DYNC1H1: variants seen among roughly 807,000 people sequenced by gnomAD.
DYNC1H1 encodes the protein cytoplasmic dynein 1 heavy chain 1.
DYNC1H1 carries 51 observed loss-of-function variants against 527.1 expected under a neutral mutation model. That is an observed-to-expected ratio of 0.10 (90% CI 0.08 to 0.12). The LOEUF (loss-of-function observed/expected upper bound fraction) is 0.12. Ranked by LOEUF, DYNC1H1 falls within the 10% of genes least tolerant of loss-of-function variation. DYNC1H1 has a pLI of 1.00. For synonymous variants in DYNC1H1, 2,189 were observed against 2,278.8 expected (o/e 0.96, Z 1.12); for missense variants, 2,771 against 5,971.8 (o/e 0.46, Z 17.66).
In DYNC1H1 at chr14:102,016,213, G is replaced by A; in HGVS notation, c.7473+127G>A. On this transcript the variant is annotated intron_variant, in intron 36 of 77. Transcript: ENST00000360184. This position sits in a 1 kb window ranked among gnomAD's most constrained non-coding sequence, Gnocchi z 7.3. ...AGGCGAGGCAGAGCCTTCGTTGAGGGGCTAGGAAAGGTGCAGTGGGTGTCT... is the reference window on the plus strand; with the variant it reads ...AGGCGAGGCAGAGCCTTCGTTGAGGAGCTAGGAAAGGTGCAGTGGGTGTCT... 3 of 1,501,238 alleles carry A rather than the reference G, an allele frequency of 2.0e-6. No homozygotes were observed. The highest frequency in any genetic ancestry group is 2.7e-6 in the Non-Finnish European group (3 of 1,101,774). 93.0% of individuals were successfully genotyped at this position (1,501,238 alleles called of 1,614,324 possible).
Position 102,016,692 on chromosome 14 carries a change from G to A in DYNC1H1, c.7615-74G>A, listed in dbSNP as rs2048326941. The A allele has an allele frequency of 6.4e-7, 1 of 1,562,984 alleles. No individual in the cohort carries two copies. Among genetic ancestry groups the A allele is most frequent in the East Asian group, 2.3e-5 (1 of 42,876 alleles). The stretch of plus-strand genomic sequence containing the variant: ...TTCCTTGTTCTGAAAGTTCAAGTTT[G>A]TGTTCAGGTAAACAAACCTCGTGAG... On this transcript the variant is annotated intron_variant, in intron 37 of 77. Coordinates refer to ENST00000360184, the MANE Select transcript of DYNC1H1 (RefSeq NM_001376.5). This position sits in a 1 kb window ranked among gnomAD's most constrained non-coding sequence, Gnocchi z 7.3.
intron 1 of DYNC1H1, among the ~76,000 whole-genome samples, chr14:101,972,851 G>A (rs561797961): frequency 6.6e-6 from 1 of 152,118 alleles, no homozygotes; most frequent in Non-Finnish European, 1.5e-5. Context: ...TATATAAATG[G>A]TAGAACAATA....
chr14:102,027,406 A>G lies in DYNC1H1; in HGVS notation c.8910A>G (p.Glu2970=), dbSNP rs2048462949. ...QIKVHRKYTG[E]DFDEDLRTVL... ...AGGTCCATAGGAAGTACACAGGGGAAGACTTTGATGAAGATCTACGGACAG... is the reference window on the plus strand; with the variant it reads ...AGGTCCATAGGAAGTACACAGGGGAGGACTTTGATGAAGATCTACGGACAG... The change falls in exon 46 of 78, where the codon GAA becomes GAG. Residue 2970 remains glutamate, a synonymous_variant. Coordinates refer to ENST00000360184, the MANE Select transcript of DYNC1H1 (RefSeq NM_001376.5). This position sits in a 1 kb window ranked among gnomAD's most constrained non-coding sequence, Gnocchi z 7.7. 2 of 1,614,040 alleles carry G rather than the reference A, an allele frequency of 1.2e-6. No individual in the cohort carries two copies. The highest frequency in any genetic ancestry group is 1.7e-6 in the Non-Finnish European group (2 of 1,180,036).
intron 51 of DYNC1H1, among the ~76,000 whole-genome samples, chr14:102,031,151 C>T (rs565810649): frequency 4.1e-4 from 62 of 152,300 alleles, no homozygotes; most frequent in African/African-American, 1.4e-3. Flanking sequence ...GTAGTTCTCA[C>T]CTTCTAAATA....
rs747954672 is a variant in DYNC1H1, at chr14:102,034,229, G to T, written c.10626+41G>T. ...AGTTCAAAAAGGATGTGCGAGCAGT[G>T]TGAGGCAAGCTGGTGTTTAGTGCAC... On this transcript the variant is annotated intron_variant, in intron 55 of 77. Transcript: ENST00000360184. 5.6e-6 allele frequency: 9 copies of T among 1,614,248 alleles called. No homozygotes were observed. The South Asian group carries it at 6.6e-5, about 12-fold the overall frequency.
chr14:101,997,284 G>T lies in DYNC1H1; in HGVS notation c.3804+10G>T, dbSNP rs868676505. On this transcript the variant is annotated intron_variant, in intron 16 of 77. Transcript: ENST00000360184. The surrounding 1 kb of genome is among the most constrained non-coding windows in gnomAD (Gnocchi z 4.8). ...GACCAAGCCTGTCACGGTGAGTCCC[G>T]CCAGGTGGGGACGCAGGAGACTCCT... is the stretch of plus-strand genomic sequence containing the variant. 1.2e-6 allele frequency: 2 copies of T among 1,613,902 alleles called. No homozygotes were observed. The highest frequency in any genetic ancestry group is 1.6e-4 in the Middle Eastern group (1 of 6,076).
At position 101,965,656 on chromosome 14, in the gene DYNC1H1, GATT is replaced by G. The variant is rs2047658908; in HGVS notation, c.256+710_256+712del. On this transcript the variant is annotated intron_variant, in intron 1 of 77. Coordinates refer to ENST00000360184, the MANE Select transcript of DYNC1H1 (RefSeq NM_001376.5). The surrounding 1 kb of genome is among the most constrained non-coding windows in gnomAD (Gnocchi z 4.1). ...GAGGAAACTGAGGCTCAGGTTAAGTGATTTCACCCAAGGTCACCAGCTAATCTT... is the reference window on the plus strand; with the variant it reads ...GAGGAAACTGAGGCTCAGGTTAAGTGTCACCCAAGGTCACCAGCTAATCTT... Among the ~76,000 whole-genome samples, 9 of 152,066 alleles carry G rather than the reference GATT, an allele frequency of 5.9e-5. No homozygotes were observed. The highest frequency in any genetic ancestry group is 3.3e-4 in the Admixed American group (5 of 15,274).
At position 102,040,582 on chromosome 14, in the gene DYNC1H1, A is replaced by C. The variant is rs1244891569; in HGVS notation, c.11866-16A>C. ...CCAGCCCTGCTCCATGGGTGCTTCCACTATTGTCTCCACAGCAATTTGGCA... is the reference window on the plus strand; with the variant it reads ...CCAGCCCTGCTCCATGGGTGCTTCCCCTATTGTCTCCACAGCAATTTGGCA... On this transcript the variant is annotated splice_polypyrimidine_tract_variant and intron_variant, in intron 63 of 77. Transcript: ENST00000360184. 6.2e-7 allele frequency: 1 copy of C among 1,614,014 alleles called. No individual in the cohort carries two copies. Among genetic ancestry groups the C allele is most frequent in the East Asian group, 2.2e-5 (1 of 44,902 alleles).
At position 102,009,928 on chromosome 14, in the gene DYNC1H1, C is replaced by T. The variant is rs567653098; in HGVS notation, c.6063C>T (p.Gly2021=). 2 of 1,614,120 alleles carry T rather than the reference C, an allele frequency of 1.2e-6. No homozygotes were observed. Among genetic ancestry groups the T allele is most frequent in the Middle Eastern group, 1.6e-4 (1 of 6,062 alleles). The part of the protein sequence containing the change: ...DMAIFITMNP[G]YAGRSNLPDN... ...CCATCTTCATCACCATGAACCCTGG[C>T]TACGCGGGCCGGTCTAACCTTCCTG... is the stretch of plus-strand genomic sequence containing the variant. Residue 2021 remains glycine, a synonymous_variant, in exon 30 of 78, where the codon GGC becomes GGT. Transcript: ENST00000360184.
chr14:101,988,331 C>T (rs1273442721), intron 9 of DYNC1H1, among the ~76,000 whole-genome samples: 3 of 152,176 alleles, frequency 2.0e-5, no homozygotes, highest in South Asian at 2.1e-4. Flanking sequence ...CCCGTATCCC[C>T]GTAGACAAGT....
In DYNC1H1 at chr14:102,001,713, C is replaced by G; in HGVS notation, c.4542+32C>G. 1 of 1,613,260 alleles carries G rather than the reference C, an allele frequency of 6.2e-7. No homozygotes were observed. Among genetic ancestry groups the G allele is most frequent in the Non-Finnish European group, 8.5e-7 (1 of 1,179,926 alleles). On this transcript the variant is annotated intron_variant, in intron 21 of 77. Transcript: ENST00000360184. This position sits in a 1 kb window ranked among gnomAD's most constrained non-coding sequence, Gnocchi z 5.0. The stretch of plus-strand genomic sequence containing the variant: ...TTGCTGGGGAAGCTTTCCCTCCCCA[C>G]CAGTGGTCTCCCACGCTTTCACTGT...
Position 102,041,794 on chromosome 14 carries a change from A to G in DYNC1H1, c.12102+60A>G, listed in dbSNP as rs1275197953. 2 of 1,610,992 alleles carry G rather than the reference A, an allele frequency of 1.2e-6. No homozygotes were observed. The highest frequency in any genetic ancestry group is 2.7e-5 in the African/African-American group (2 of 74,834). The stretch of plus-strand genomic sequence containing the variant: ...ACTCCATGCCCACCTCCCCAGCCAC[A>G]GGTGGCAGCAGCCCTGGCATCTGCT... On this transcript the variant is annotated intron_variant, in intron 65 of 77. Transcript: ENST00000360184. The surrounding 1 kb of genome is among the most constrained non-coding windows in gnomAD (Gnocchi z 4.5).
intron 56 of DYNC1H1, chr14:102,034,719 T>G (rs1380185002): frequency 1.8e-6 from 1 of 556,370 alleles, no homozygotes; most frequent in African/African-American, 1.9e-5. Flanking sequence ...AGGTCAGGAG[T>G]TTGAGACCAG....
Position 102,022,799 on chromosome 14 carries a change from G to A in DYNC1H1, c.8556G>A (p.Thr2852=), listed in dbSNP as rs370808839. ...GTTGGACTGATGAGAACATCGACAC[G>A]GTTGCTCTGAAGCACTTCCCTAACA... The part of the protein sequence containing the change: ...ERRWTDENID[T]VALKHFPNID... Residue 2852 remains threonine (T), a synonymous_variant, in exon 43 of 78, where the codon ACG becomes ACA. Coordinates refer to ENST00000360184, the MANE Select transcript of DYNC1H1 (RefSeq NM_001376.5). 20 of 1,614,084 alleles carry A rather than the reference G, an allele frequency of 1.2e-5. No homozygotes were observed. The highest frequency in any genetic ancestry group is 1.3e-5 in the African/African-American group (1 of 74,926).
chr14:102,025,986 G>A (rs148121973), intron 43 of DYNC1H1, among the ~76,000 whole-genome samples: 8 of 152,134 alleles, frequency 5.3e-5, no homozygotes, highest in South Asian at 2.1e-4. Context: ...ATGGTGGTAC[G>A]TGCCTGTAGT....
At chr14:102,021,656 C>CTTTTTTTTTTTTT (rs757880988) in intron 42 of DYNC1H1, among the ~76,000 whole-genome samples, 61 of 119,786 alleles carry the variant, frequency 5.1e-4, no homozygotes, top group South Asian at 8.5e-4. Flanking sequence ...TTTTCTTTTT[C>CTTTTTTTTTTTTT]TTTTTTTTTT....
Position 102,042,365 on chromosome 14 carries a change from T to G in DYNC1H1, c.12276-19T>G, listed in dbSNP as rs372304898. The G allele has an allele frequency of 3.5e-5, 57 of 1,614,084 alleles. No individual in the cohort carries two copies. Among genetic ancestry groups the G allele is most frequent in the Non-Finnish European group, 4.7e-5 (55 of 1,180,050 alleles). On this transcript the variant is annotated intron_variant, in intron 67 of 77. Coordinates refer to ENST00000360184, the MANE Select transcript of DYNC1H1 (RefSeq NM_001376.5). The surrounding 1 kb of genome is among the most constrained non-coding windows in gnomAD (Gnocchi z 5.7). ...CAGGCAGCCTGGCATGCTGTGTGAC[T>G]CTCACTTTGTGTGTGCAGGTGGGTG...
chr14:102,046,520 C>A (rs963020956), intron 72 of DYNC1H1, among the ~76,000 whole-genome samples: 4 of 140,490 alleles, frequency 2.8e-5, no homozygotes, highest in African/African-American at 1.0e-4. Context: ...GGAGGGAGAG[C>A]CAGGCGAGCT....
In DYNC1H1 at chr14:101,964,790, C is replaced by T. The variant is rs1347832786; in HGVS notation, c.99C>T (p.His33=). The change falls in exon 1 of 78, where the codon CAC becomes CAT. Residue 33 remains histidine (H), a synonymous_variant. Coordinates refer to ENST00000360184, the MANE Select transcript of DYNC1H1 (RefSeq NM_001376.5). The surrounding 1 kb of genome is among the most constrained non-coding windows in gnomAD (Gnocchi z 5.5). The stretch of plus-strand genomic sequence containing the variant: ...CGGACGTGTCGGTGCTGCAGAAGCA[C>T]CTGCGCAAGCTGGTGCCGCTGCTGC... ...NVADVSVLQK[H]LRKLVPLLLE... The T allele has an allele frequency of 6.2e-7, 1 of 1,602,844 alleles. No homozygotes were observed. Among genetic ancestry groups the T allele is most frequent in the Admixed American group, 1.7e-5 (1 of 59,112 alleles).
Sources: gnomAD v4.1 joint callset for allele counts (sites outside exome capture counted in the v4.1 genomes callset) on GRCh38, gnomAD v4.1.1 for gene constraint, Gnocchi (gnomAD v3.1) non-coding constraint, MANE v1.5 for transcripts, NCBI Gene and HGNC (gene_info 2026-07-23, HGNC 2026-07-21) for gene names.